The following GUSB variants were observed in gnomAD, a reference collection of about 807,000 sequenced individuals.
GUSB encodes the protein glucuronidase beta, also known as beta-glucuronidase.
A neutral mutation model predicts 74.6 loss-of-function variants in GUSB; 51 were observed. The observed-to-expected ratio is 0.68, with a 90% confidence interval of 0.55 to 0.86. The LOEUF (loss-of-function observed/expected upper bound fraction) is 0.86, where lower values mean the gene tolerates loss of function less well. GUSB is among the 40% of genes least tolerant of loss of function. GUSB has a pLI of 0.00. For missense variants in GUSB, 736 were observed against 853.7 expected (o/e 0.86, Z 1.72); for synonymous variants, 360 against 348.3 (o/e 1.03, Z -0.37).
intron 4 of GUSB, among the ~76,000 whole-genome samples, chr7:65,977,967 T>C (rs566986530): frequency 3.1e-4 from 47 of 151,446 alleles, no homozygotes; most frequent in African/African-American, 1.0e-3. Context: ...CCTGCCACCA[T>C]GCCCGGCTAA....
intron 10 of GUSB, among the ~76,000 whole-genome samples, chr7:65,966,420 A>T (rs1160000249): frequency 1.3e-5 from 2 of 151,988 alleles, no homozygotes; most frequent in African/African-American, 4.8e-5. Flanking sequence ...GGGTTCAGGA[A>T]TCCACAGGAA....
At chr7:65,976,997 G>A (rs944698769) in intron 4 of GUSB, among the ~76,000 whole-genome samples, 6 of 151,850 alleles carry the variant, frequency 4.0e-5, no homozygotes, top group South Asian at 2.1e-4. Flanking sequence ...CAGCTACTAC[G>A]CATGTGCAAC....
intron 11 of GUSB, among the ~76,000 whole-genome samples, chr7:65,962,115 A>C (rs768216740): frequency 1.2e-4 from 19 of 152,308 alleles, no homozygotes; most frequent in Non-Finnish European, 2.6e-4. Context: ...TATCTGGGAC[A>C]GTTACCCTTG....
intron 4 of GUSB, among the ~76,000 whole-genome samples, chr7:65,978,223 G>A (rs536475808): frequency 1.2e-3 from 177 of 152,298 alleles, no homozygotes; most frequent in East Asian, 4.1e-3. Context: ...AGACTGAGGC[G>A]GGTGGATCCC....
At chr7:65,980,185 G>GAGCCCCCCC in intron 2 of GUSB, 39 bp downstream of exon 2, 1 of 725,274 alleles carries the variant, frequency 1.4e-6, no homozygotes. Flanking sequence ...CAGCAGCCGT[G>GAGCCCCCCC]CCCCCCCACC....
intron 11 of GUSB, among the ~76,000 whole-genome samples, chr7:65,963,698 A>G (rs974027477): frequency 9.9e-5 from 15 of 152,086 alleles, no homozygotes; most frequent in Non-Finnish European, 1.9e-4. Flanking sequence ...GGCACACACC[A>G]CCACGCCTAG....
chr7:65,965,409 TTTAA>T, intron 10 of GUSB, among the ~76,000 whole-genome samples: 1 of 151,912 alleles, frequency 6.6e-6, no homozygotes, highest in East Asian at 1.9e-4. Context: ...AAAAAATTTA[TTTAA>T]TTAAACTAAA....
At chr7:65,971,589 G>T (rs537818934) in intron 8 of GUSB, among the ~76,000 whole-genome samples, 1 of 152,116 alleles carries the variant, frequency 6.6e-6, no homozygotes, top group South Asian at 2.1e-4. Flanking sequence ...AAACCTAGCT[G>T]GGCATGGTGG....
chr7:65,979,257 G>T, intron 4 of GUSB, 142 bp downstream of exon 4: 1 of 924,508 alleles, frequency 1.1e-6, no homozygotes, highest in Non-Finnish European at 1.8e-6. Flanking sequence ...CACACAGGCT[G>T]AATTTTAGCT....
chr7:65,974,459 A>C lies in GUSB; in HGVS notation c.1245-18T>G, dbSNP rs1454621360. On this transcript the variant is annotated intron_variant, in intron 7 of 11. Coordinates refer to ENST00000304895, the MANE Select transcript of GUSB (RefSeq NM_000181.4). ...AGAACTGCCTGCGGGCCAGGAGGGA[A>C]GGGACAGAGGGTCACGGTGACGCCC... is the stretch of plus-strand genomic sequence containing the variant. The C allele has an allele frequency of 6.2e-7, 1 of 1,614,030 alleles. No individual in the cohort carries two copies. The highest frequency in any genetic ancestry group is 8.5e-7 in the Non-Finnish European group (1 of 1,180,030).
In GUSB at chr7:65,982,131, C is replaced by A. The variant is rs1286541146; in HGVS notation, c.53G>T (p.Gly18Val). The A allele has an allele frequency of 6.4e-7, 1 of 1,564,644 alleles. No homozygotes were observed. Among genetic ancestry groups the A allele is most frequent in the South Asian group, 1.2e-5 (1 of 86,314 alleles). Residue 18 changes from glycine (G) to valine (V), a missense_variant, in exon 1 of 12, where the codon GGC becomes GTC. By Grantham distance (109) the Gly-to-Val change is moderately radical. Coordinates refer to ENST00000304895, the MANE Select transcript of GUSB (RefSeq NM_000181.4). ...AWAALGPLLWGCALGLQGGML... is the reference protein window; with the variant it reads ...AWAALGPLLWVCALGLQGGML... ...CCCGCCCTGCAGCCCCAGCGCGCAGCCCCACAACAACGGCCCGAGCGCCGC... is the reference window on the plus strand; with the variant it reads ...CCCGCCCTGCAGCCCCAGCGCGCAGACCCACAACAACGGCCCGAGCGCCGC...
At position 65,980,374 on chromosome 7, in the gene GUSB, G is replaced by A. The variant is rs1791923808; in HGVS notation, c.246C>T (p.Ser82=). ...GCCAGTCCTGGCTGATGTCATTGAA[G>A]CTGGAGGGAACTGGCATGTCCACGG... ...GPTVDMPVPS[S]FNDISQDWRL... The change falls in exon 2 of 12, where the codon AGC becomes AGT. Residue 82 remains serine, a synonymous_variant. Coordinates refer to ENST00000304895, the MANE Select transcript of GUSB (RefSeq NM_000181.4). The A allele has an allele frequency of 6.2e-7, 1 of 1,613,926 alleles. No individual in the cohort carries two copies. The highest frequency in any genetic ancestry group is 8.5e-7 in the Non-Finnish European group (1 of 1,179,928).
chr7:65,978,629 G>A (rs1047034956), intron 4 of GUSB, among the ~76,000 whole-genome samples: 19 of 151,156 alleles, frequency 1.3e-4, no homozygotes, highest in African/African-American at 2.9e-4. Context: ...AAAATTAGCC[G>A]GGCGTGGTGG....
In GUSB at chr7:65,979,535, G is replaced by A; in HGVS notation, c.588C>T (p.Pro196=). 6.2e-7 allele frequency: 1 copy of A among 1,614,112 alleles called. No individual in the cohort carries two copies. The highest frequency in any genetic ancestry group is 1.3e-5 in the African/African-American group (1 of 75,042). ...IQYLTDTSKY[P]KGYFVQNTYF... ...ATGTGTTCTGGACAAAGTAACCCTT[G>A]GGATACCTAGGATGGGAGGACTGTG... is the stretch of plus-strand genomic sequence containing the variant. The change falls in exon 4 of 12, where the codon CCC becomes CCT. Residue 196 remains proline, a synonymous_variant. Transcript: ENST00000304895.
chr7:65,981,351 C>G (rs1435992651), intron 1 of GUSB, among the ~76,000 whole-genome samples: 1 of 151,810 alleles, frequency 6.6e-6, no homozygotes, highest in African/African-American at 2.4e-5. Context: ...CCTGACTCAG[C>G]CTCCCAAGTA....
chr7:65,964,870 AC>A (rs1790732125), intron 10 of GUSB, among the ~76,000 whole-genome samples: 1 of 150,980 alleles, frequency 6.6e-6, no homozygotes, highest in South Asian at 2.1e-4. Flanking sequence ...GGTGTTCAAG[AC>A]CAGCCTGGGC....
chr7:65,973,370 T>C (rs1280144859), intron 8 of GUSB, among the ~76,000 whole-genome samples: 1 of 152,158 alleles, frequency 6.6e-6, no homozygotes, highest in East Asian at 1.9e-4. Context: ...AGGCGGATCA[T>C]GAGTTCAAGA....
chr7:65,980,718 C>T (rs953032905), intron 1 of GUSB: 15 of 435,412 alleles, frequency 3.4e-5, no homozygotes, highest in Admixed American at 1.4e-4. Context: ...CAGATGGCCA[C>T]TGCCTGTCAC....
intron 1 of GUSB, among the ~76,000 whole-genome samples, chr7:65,981,471 A>G (rs557407904): frequency 1.4e-4 from 22 of 152,020 alleles, no homozygotes; most frequent in Admixed American, 6.6e-4. Context: ...TCCTGGCCTC[A>G]GGCGATTCGC....
Sources: allele counts gnomAD v4.1 joint callset (sites outside exome capture counted in the v4.1 genomes callset), GRCh38; gene constraint gnomAD v4.1.1; transcripts MANE v1.5; gene names NCBI Gene and HGNC (gene_info 2026-07-23, HGNC 2026-07-21).